The following NPAS1 variants were observed in gnomAD, a reference collection of about 807,000 sequenced individuals.
NPAS1 encodes the protein neuronal PAS domain-containing protein 1.
In NPAS1, 29 loss-of-function variants were observed where a neutral mutation model predicts 49.2. The ratio of observed to expected loss-of-function variants is 0.59; its 90% confidence interval spans 0.44 to 0.80. The LOEUF is 0.80. Among genes scored for constraint, NPAS1 ranks in the 30% least tolerant of loss-of-function variants. The probability of loss-of-function intolerance (pLI) is 0.00; values close to 1 mark genes in which losing one functional copy is unlikely to be tolerated. For missense variants in NPAS1, 825 were observed against 835.5 expected (o/e 0.99, Z 0.15); for synonymous variants, 408 against 380.4 (o/e 1.07, Z -0.84).
chr19:47,021,073 G>A lies in NPAS1; in HGVS notation c.26G>A (p.Gly9Asp). The change falls in exon 2 of 12, where the codon GGC becomes GAC. Residue 9 changes from glycine (G) to aspartate (D), a missense_variant. Physicochemically the swap from Gly to Asp is moderately conservative, Grantham distance 94 (BLOSUM62 -1). Coordinates refer to ENST00000602212, the MANE Select transcript of NPAS1 (RefSeq NM_002517.4). The surrounding 1 kb of genome is among the most constrained non-coding windows in gnomAD (Gnocchi z 5.7). MAAPYPGS[G>D]GGSEVKCVGG... Reference sequence around the variant, plus strand: ...ATGGCGGCCCCCTATCCCGGCAGTGGCGGCGGAAGCGAGGTCAAATGCGTG... The same window carrying A: ...ATGGCGGCCCCCTATCCCGGCAGTGACGGCGGAAGCGAGGTCAAATGCGTG... 1 of 1,605,254 alleles carries A rather than the reference G, an allele frequency of 6.2e-7. No homozygotes were observed. Among genetic ancestry groups the A allele is most frequent in the Non-Finnish European group, 8.5e-7 (1 of 1,176,802 alleles).
intron 5 of NPAS1, among the ~76,000 whole-genome samples, chr19:47,033,202 C>T (rs570100713): frequency 6.6e-6 from 1 of 151,364 alleles, no homozygotes; most frequent in South Asian, 2.1e-4. Flanking sequence ...TCCCAAAGTG[C>T]TAGGATTACA....
Position 47,043,990 on chromosome 19 carries a change from C to T in NPAS1, c.1312+1086C>T, listed in dbSNP as rs140940830. 2.5e-3 allele frequency among the ~76,000 whole-genome samples: 382 copies of T among 152,160 alleles called. 9 individuals carry two copies. Among genetic ancestry groups the T allele is most frequent in the Admixed American group, 0.01 (153 of 15,272 alleles). On this transcript the variant is annotated intron_variant, in intron 11 of 11. Coordinates refer to ENST00000602212, the MANE Select transcript of NPAS1 (RefSeq NM_002517.4). The stretch of plus-strand genomic sequence containing the variant: ...CTGAGGTGGTAGGATTTCTTGAGCC[C>T]GGGAGTTAGAGGCTGCAGTGCGCTG...
rs2056950561 is a variant in NPAS1 at position 47,036,016 on chromosome 19, CAG to C, written c.578_579del (p.Glu193GlyfsTer104). 6.3e-7 allele frequency: 1 copy of C among 1,596,950 alleles called. No homozygotes were observed. The highest frequency in any genetic ancestry group is 8.5e-7 in the Non-Finnish European group (1 of 1,171,936). On this transcript the variant is annotated frameshift_variant, in exon 6 of 12. Coordinates refer to ENST00000602212, the MANE Select transcript of NPAS1 (RefSeq NM_002517.4). LOFTEE classifies it high-confidence loss of function. ...GACTACATTCACCCTGGGGACCACT[CAG>C]AGGTGCTGGAGCAACTGGGGCTGCG... is the stretch of plus-strand genomic sequence containing the variant.
chr19:47,045,400 G>C lies in NPAS1; in HGVS notation c.1522G>C (p.Val508Leu), dbSNP rs1285390761. 1.9e-6 allele frequency: 3 copies of C among 1,612,104 alleles called. No individual in the cohort carries two copies. The highest frequency in any genetic ancestry group is 2.5e-6 in the Non-Finnish European group (3 of 1,179,400). Reference sequence around the variant, plus strand: ...GGCAGGGGTCCTGAAGCAGGATCCGGTGCGGCCATGGGGCCTGGCGCCTCC... The same window carrying C: ...GGCAGGGGTCCTGAAGCAGGATCCGCTGCGGCCATGGGGCCTGGCGCCTCC... The part of the protein sequence containing the change: ...IRAGVLKQDP[V>L]RPWGLAPPGD... Residue 508 changes from valine to leucine, a missense_variant, in exon 12 of 12, where the codon GTG (valine) becomes CTG (leucine). Transcript: ENST00000602212.
rs573192698 is a variant in NPAS1, at chr19:47,022,499, T to C, written c.358+652T>C. Among the ~76,000 whole-genome samples, 12 of 152,330 alleles carry C rather than the reference T, an allele frequency of 7.9e-5. No homozygotes were observed. The South Asian group carries it at 2.5e-3, about 32-fold the overall frequency. ...TGAGCAGAGAATCAACCAGGTCATA[T>C]TTGCAAAGTCCCTGGAAGTGCCTAG... On this transcript the variant is annotated intron_variant, in intron 3 of 11. Transcript: ENST00000602212.
At position 47,042,619 on chromosome 19, in the gene NPAS1, G is replaced by A. The variant is rs947585438; in HGVS notation, c.1218-191G>A. The stretch of plus-strand genomic sequence containing the variant: ...GCTATCCAGGTCTGGCCTTAGGAGC[G>A]AGGGCCACGCTGGGCTAGAAGTCAA... On this transcript the variant is annotated intron_variant, in intron 10 of 11. Transcript: ENST00000602212. Among the ~76,000 whole-genome samples the A allele has an allele frequency of 3.3e-5, 5 of 152,328 alleles. No homozygotes were observed. The South Asian group carries it at 6.2e-4, about 19-fold the overall frequency.
rs1473300450 is a variant in NPAS1, at chr19:47,039,260, ACTGGGT to A, written c.804+115_804+120del. The A allele has an allele frequency of 6.2e-6, 9 of 1,461,874 alleles. No homozygotes were observed. In the African/African-American group the frequency reaches 7.0e-5, roughly 11 times the overall value. The allele number at this position is 1,461,874 out of a possible 1,614,324, so 90.6% of individuals were successfully genotyped here. On this transcript the variant is annotated intron_variant, in intron 7 of 11. Coordinates refer to ENST00000602212, the MANE Select transcript of NPAS1 (RefSeq NM_002517.4). ...TCACTGGCTGCAGGTGGCTTAGGGA[ACTGGGT>A]CTGGGAATGGGACTGGGGGGGTCAC...
rs2056827287 is a variant in NPAS1, at chr19:47,019,856, G to A, written c.-184G>A. On this transcript the variant is annotated 5_prime_UTR_variant, in exon 1 of 12. Transcript: ENST00000602212. ...TGCGAGGCCGAGGTGGGCGCCGAGA[G>A]CTGGGCGCCACAGCCCGCGCGTCCC... 1 of 318,756 alleles carries A rather than the reference G, an allele frequency of 3.1e-6. No individual in the cohort carries two copies. The highest frequency in any genetic ancestry group is 5.0e-5 in the Admixed American group (1 of 20,030). The allele number at this position is 318,756 out of a possible 1,614,324, so 19.7% of individuals were successfully genotyped here. A position where few individuals can be genotyped will look rare whatever the true frequency, so the allele number is the denominator to read the frequency against.
chr19:47,040,987 A>G lies in NPAS1; in HGVS notation c.1079A>G (p.Lys360Arg). 1 of 1,499,414 alleles carries G rather than the reference A, an allele frequency of 6.7e-7. No individual in the cohort carries two copies. Among genetic ancestry groups the G allele is most frequent in the Non-Finnish European group, 8.9e-7 (1 of 1,123,012 alleles). 92.9% of individuals were successfully genotyped at this position (1,499,414 alleles called of 1,614,324 possible). A position where few individuals can be genotyped will look rare whatever the true frequency, so the allele number is the denominator to read the frequency against. Residue 360 changes from lysine (K) to arginine (R), a missense_variant, in exon 10 of 12, where the codon AAG (lysine) becomes AGG (arginine). Transcript: ENST00000602212. ...IRQSHVDLLDKGQVMTGYYRW... is the reference protein window; with the variant it reads ...IRQSHVDLLDRGQVMTGYYRW... ...CCTGGGCTGGGCCCAGTGCTGGACA[A>G]GGGTCAGGTGATGACTGGTTACTAC...
intron 6 of NPAS1, among the ~76,000 whole-genome samples, chr19:47,037,030 CG>C: frequency 7.2e-6 from 1 of 138,574 alleles, no homozygotes; most frequent in Non-Finnish European, 1.5e-5. Context: ...CACTCCAGCC[CG>C]GGTGACAGAG....
At chr19:47,026,229 G>A (rs1189665981) in intron 3 of NPAS1, among the ~76,000 whole-genome samples, 2 of 152,220 alleles carry the variant, frequency 1.3e-5, no homozygotes, top group African/African-American at 4.8e-5. Context: ...GTAAGCCACT[G>A]GGCCCAGCCA....
chr19:47,025,505 T>C lies in NPAS1; in HGVS notation c.358+3658T>C, dbSNP rs184458648. 1.7e-3 allele frequency among the ~76,000 whole-genome samples: 263 copies of C among 151,860 alleles called. 3 individuals are homozygous for C. The highest frequency in any genetic ancestry group is 6.1e-3 in the African/African-American group (253 of 41,518). ...GTTGGTCAGGCTGGTCTCAAACTCCTGACCTCAGGTGATCCGCCTGCCGCA... is the reference window on the plus strand; with the variant it reads ...GTTGGTCAGGCTGGTCTCAAACTCCCGACCTCAGGTGATCCGCCTGCCGCA... On this transcript the variant is annotated intron_variant, in intron 3 of 11. Transcript: ENST00000602212.
Position 47,021,790 on chromosome 19 carries a change from G to T in NPAS1, c.301G>T (p.Ala101Ser). The change falls in exon 3 of 12, where the codon GCC becomes TCC. Residue 101 changes from alanine (A) to serine (S), a missense_variant. Coordinates refer to ENST00000602212, the MANE Select transcript of NPAS1 (RefSeq NM_002517.4). The surrounding 1 kb of genome is among the most constrained non-coding windows in gnomAD (Gnocchi z 5.7). ...CACCTACCTCCGCCTGCGCCGGTTC[G>T]CCGCGCTGGGGGCGCCGCCCTGGGG... ...SVTYLRLRRF[A>S]ALGAPPWGLR... The T allele has an allele frequency of 6.5e-7, 1 of 1,531,174 alleles. No homozygotes were observed. Among genetic ancestry groups the T allele is most frequent in the South Asian group, 1.2e-5 (1 of 82,228 alleles). 94.8% of individuals were successfully genotyped at this position (1,531,174 alleles called of 1,614,324 possible).
rs773161102 is a variant in NPAS1, at chr19:47,045,230, C to A, written c.1352C>A (p.Ala451Glu). 6.2e-7 allele frequency: 1 copy of A among 1,613,880 alleles called. No homozygotes were observed. The highest frequency in any genetic ancestry group is 8.5e-7 in the Non-Finnish European group (1 of 1,179,952). Residue 451 changes from alanine (A) to glutamate (E), a missense_variant, in exon 12 of 12, where the codon GCG becomes GAG. Transcript: ENST00000602212. Reference protein sequence around the residue: ...PPTEGKQAAPAENEAPQTQGK... With the variant: ...PPTEGKQAAPEENEAPQTQGK... ...ACGGAAGGGAAGCAGGCTGCCCCAG[C>A]GGAGAACGAGGCCCCCCAGACCCAG...
At position 47,036,121 on chromosome 19, in the gene NPAS1, C is replaced by G. The variant is rs573750185; in HGVS notation, c.680C>G (p.Pro227Arg). Residue 227 changes from proline to arginine, a missense_variant, in exon 6 of 12, where the codon CCC (proline) becomes CGC (arginine). Coordinates refer to ENST00000602212, the MANE Select transcript of NPAS1 (RefSeq NM_002517.4). ...SSSSSSLADT[P>R]EIEASLTKVP... ...TCTTCCTCTTCGCTTGCAGATACCC[C>G]CGAGATCGGTAATTCTAAGGGCTCC... 13 of 1,560,490 alleles carry G rather than the reference C, an allele frequency of 8.3e-6. No homozygotes were observed. The South Asian group carries it at 1.1e-4, about 13-fold the overall frequency.
intron 11 of NPAS1, among the ~76,000 whole-genome samples, chr19:47,044,143 G>T (rs1169287465): frequency 6.6e-6 from 1 of 152,136 alleles, no homozygotes; most frequent in Non-Finnish European, 1.5e-5. Flanking sequence ...GCACAATCTC[G>T]GCTCACTGCA....
At position 47,039,606 on chromosome 19, in the gene NPAS1, A is replaced by G. The variant is rs777536096; in HGVS notation, c.962+42A>G. On this transcript the variant is annotated intron_variant, in intron 8 of 11. Coordinates refer to ENST00000602212, the MANE Select transcript of NPAS1 (RefSeq NM_002517.4). ...CTGTGGCGGGTGGATTGGGGGCACA[A>G]TGGAGATCTGGGGGTACATGGGGAG... The G allele has an allele frequency of 1.4e-5, 21 of 1,525,076 alleles. 1 individual carries two copies. The highest frequency in any genetic ancestry group is 3.8e-5 in the South Asian group (3 of 78,086). The allele number at this position is 1,525,076 out of a possible 1,614,324, so 94.5% of individuals were successfully genotyped here.
Position 47,045,303 on chromosome 19 carries a change from C to G in NPAS1, c.1425C>G (p.Ser475=), listed in dbSNP as rs1424183572. 1.2e-6 allele frequency: 2 copies of G among 1,613,938 alleles called. No homozygotes were observed. Among genetic ancestry groups the G allele is most frequent in the Admixed American group, 3.3e-5 (2 of 59,996 alleles). The change falls in exon 12 of 12, where the codon TCC becomes TCG. Residue 475 remains serine (S), a synonymous_variant. Coordinates refer to ENST00000602212, the MANE Select transcript of NPAS1 (RefSeq NM_002517.4). ...VEPGPRETKG[S]EDSGDEDPSS... ...CCGGCCCGAGGGAAACCAAAGGCTC[C>G]GAGGACAGTGGCGACGAGGATCCCT...
chr19:47,031,089 C>A (rs760770507), intron 3 of NPAS1, among the ~76,000 whole-genome samples: 17 of 152,094 alleles, frequency 1.1e-4, no homozygotes, highest in Non-Finnish European at 2.1e-4. Context: ...CCTCCTTCAA[C>A]AGCCCTAACT....
Sources: allele counts gnomAD v4.1 joint callset (sites outside exome capture counted in the v4.1 genomes callset), GRCh38; gene constraint gnomAD v4.1.1; non-coding constraint Gnocchi (gnomAD v3.1); transcripts MANE v1.5; gene names NCBI Gene and HGNC (gene_info 2026-07-23, HGNC 2026-07-21).